Variants in ANKS1B observed in about 807,000 individuals in gnomAD.
ANKS1B encodes the protein ankyrin repeat and sterile alpha motif domain-containing protein 1B.
In ANKS1B, 36 loss-of-function variants were observed where a neutral mutation model predicts 148.3. The ratio of observed to expected loss-of-function variants is 0.24; its 90% CI spans 0.19 to 0.32. The LOEUF is 0.32. Ranked by LOEUF, ANKS1B falls within the 10% of genes least tolerant of loss-of-function variation. ANKS1B has a pLI of 1.00. For missense variants in ANKS1B, 1,157 were observed against 1,542.6 expected, an observed-to-expected ratio of 0.75 and a Z score of 4.19; for synonymous variants, 542 against 560.8, an observed-to-expected ratio of 0.97 and a Z score of 0.47.
chr12:99,819,559 ATATCT>A (rs756987317), intron 2 of ANKS1B, among the ~76,000 whole-genome samples: 1 of 151,878 alleles, frequency 6.6e-6, no homozygotes, highest in Non-Finnish European at 1.5e-5. Flanking sequence ...AGAATAGAAA[ATATCT>A]TATGTGTATA....
At chr12:99,860,667 A>G (rs893328150) in intron 1 of ANKS1B, among the ~76,000 whole-genome samples, 1 of 152,212 alleles carries the variant, frequency 6.6e-6, no homozygotes, top group Non-Finnish European at 1.5e-5. Context: ...AGACCCACAC[A>G]TACCCAACAC....
intron 14 of ANKS1B, among the ~76,000 whole-genome samples, chr12:99,213,795 C>T (rs765407029): frequency 2.6e-5 from 4 of 152,202 alleles, no homozygotes; most frequent in Non-Finnish European, 5.9e-5. Context: ...AAATAGCAGT[C>T]ATCATAGTTG....
intron 12 of ANKS1B, among the ~76,000 whole-genome samples, chr12:99,293,501 A>AAAAAT (rs763974664): frequency 2.0e-3 from 308 of 152,334 alleles, no homozygotes; most frequent in South Asian, 3.9e-3. Flanking sequence ...AAGCATAATA[A>AAAAAT]AAAATAAAAT....
rs2090650323 is a variant in ANKS1B, at chr12:99,865,694, A to C, written c.135-40305T>G. ...CAAGTACTTAATAGTAGGAGGAAAAAGAAGGCTGAAACTAGCTTAGAAGCC... is the reference window on the plus strand; with the variant it reads ...CAAGTACTTAATAGTAGGAGGAAAACGAAGGCTGAAACTAGCTTAGAAGCC... On this transcript the variant is annotated intron_variant, in intron 1 of 26. Coordinates refer to ENST00000683438, the MANE Select transcript of ANKS1B (RefSeq NM_001352186.2). Among the ~76,000 whole-genome samples, 3 of 152,336 alleles carry C rather than the reference A, an allele frequency of 2.0e-5. No individual in the cohort carries two copies. The South Asian group carries it at 6.2e-4, about 32-fold the overall frequency.
intron 14 of ANKS1B, among the ~76,000 whole-genome samples, chr12:99,193,915 C>T (rs1205078083): frequency 1.4e-5 from 2 of 147,642 alleles, no homozygotes; most frequent in East Asian, 2.1e-4. Flanking sequence ...GATTCTCCTG[C>T]CTCAGCCTCC....
intron 9 of ANKS1B, among the ~76,000 whole-genome samples, chr12:99,591,135 A>G (rs2153234195): frequency 6.6e-6 from 1 of 152,184 alleles, no homozygotes; most frequent in African/African-American, 2.4e-5. Flanking sequence ...ATAGTCGAGA[A>G]TACTGATCTT....
chr12:99,783,331 G>A (rs1365719403), intron 4 of ANKS1B, among the ~76,000 whole-genome samples: 3 of 152,152 alleles, frequency 2.0e-5, no homozygotes, highest in African/African-American at 4.8e-5. Context: ...GCAAAATCAT[G>A]TAACACAAAG....
intron 1 of ANKS1B, among the ~76,000 whole-genome samples, chr12:99,917,287 A>G (rs1206695945): frequency 6.6e-6 from 1 of 152,244 alleles, no homozygotes; most frequent in Non-Finnish European, 1.5e-5. Context: ...AGCATTGAAC[A>G]ACCAGATGGA....
chr12:99,272,071 G>T (rs1017298936), intron 12 of ANKS1B, among the ~76,000 whole-genome samples: 1 of 151,902 alleles, frequency 6.6e-6, no homozygotes, highest in African/African-American at 2.4e-5. Flanking sequence ...AAGGGGCCAG[G>T]GCAAACTGCT....
intron 12 of ANKS1B, among the ~76,000 whole-genome samples, chr12:99,370,598 C>T (rs191157525): frequency 8.9e-4 from 135 of 152,172 alleles, no homozygotes; most frequent in African/African-American, 3.1e-3. Flanking sequence ...GGTTTTTGCC[C>T]TCTGGATGGA....
intron 9 of ANKS1B, among the ~76,000 whole-genome samples, chr12:99,636,563 T>C (rs1266357436): frequency 6.6e-6 from 1 of 152,152 alleles, no homozygotes; most frequent in East Asian, 1.9e-4. Flanking sequence ...GAGGCCATTT[T>C]AAACAGTGAA....
chr12:99,938,411 C>T (rs1464970908), intron 1 of ANKS1B, among the ~76,000 whole-genome samples: 1 of 152,120 alleles, frequency 6.6e-6, no homozygotes, highest in Non-Finnish European at 1.5e-5. Context: ...TTTGTGAGAC[C>T]TTGAGCAGAG....
chr12:99,179,110 T>TGGATTGACTA (rs2078777662), intron 14 of ANKS1B, among the ~76,000 whole-genome samples: 1 of 152,122 alleles, frequency 6.6e-6, no homozygotes, highest in East Asian at 1.9e-4. Flanking sequence ...AGTGTGATGA[T>TGGATTGACTA]AGAAAATGGG....
intron 14 of ANKS1B, among the ~76,000 whole-genome samples, chr12:99,169,989 G>A (rs1366330544): frequency 2.0e-5 from 3 of 152,116 alleles, no homozygotes; most frequent in Admixed American, 2.0e-4. Flanking sequence ...TTTTAAAAGG[G>A]CTTCTTGGGG....
chr12:98,853,091 C>T (rs763274284), intron 17 of ANKS1B, among the ~76,000 whole-genome samples: 8 of 152,160 alleles, frequency 5.3e-5, no homozygotes, highest in Admixed American at 1.3e-4. Context: ...TGTCTTAGGA[C>T]CATTTGACTG....
chr12:99,672,937 A>G (rs2098545233), intron 8 of ANKS1B, among the ~76,000 whole-genome samples: 1 of 152,160 alleles, frequency 6.6e-6, no homozygotes, highest in Admixed American at 6.5e-5. Context: ...AAAAGAATAC[A>G]TTATGAAATT....
chr12:98,894,874 G>GGCCCGCGCGCGCGCCCCCCA (rs1567639099), intron 17 of ANKS1B: 12 of 977,772 alleles, frequency 1.2e-5, no homozygotes, highest in Non-Finnish European at 1.2e-5. Context: ...CGAGCTCCCC[G>GGCCCGCGCGCGCGCCCCCCA]GGCCCGCGCG....
intron 17 of ANKS1B, among the ~76,000 whole-genome samples, chr12:98,889,832 C>T (rs1427123097): frequency 6.6e-6 from 1 of 152,172 alleles, no homozygotes; most frequent in East Asian, 1.9e-4. Context: ...GTAGTTGTAA[C>T]TGCAACAGGT....
intron 17 of ANKS1B, among the ~76,000 whole-genome samples, chr12:98,974,853 C>T (rs2153221579): frequency 6.6e-6 from 1 of 151,188 alleles, no homozygotes; most frequent in South Asian, 2.1e-4. Flanking sequence ...CCAGCTTTCC[C>T]TCCCTCTTTT....
Sources: allele counts gnomAD v4.1 joint callset (sites outside exome capture counted in the v4.1 genomes callset), GRCh38; gene constraint gnomAD v4.1.1; transcripts MANE v1.5; gene names NCBI Gene and HGNC (gene_info 2026-07-23, HGNC 2026-07-21).